The following NPAS3 variants were observed in gnomAD, a reference collection of about 807,000 sequenced individuals.
The protein encoded by NPAS3 is neuronal PAS domain-containing protein 3.
NPAS3 carries 14 observed loss-of-function variants against 73.1 expected under a neutral mutation model. The ratio of observed to expected loss-of-function variants is 0.19; its 90% CI spans 0.13 to 0.30. The LOEUF is 0.30. Among genes scored for constraint, NPAS3 ranks in the 10% least tolerant of loss-of-function variants. The pLI, the probability that NPAS3 is intolerant of heterozygous loss-of-function variation, is 1.00. For synonymous variants in NPAS3, 620 were observed against 541.5 expected, an observed-to-expected ratio of 1.14 and a Z score of -2.01; for missense variants, 1,096 against 1,250.0, an observed-to-expected ratio of 0.88 and a Z score of 1.86.
At chr14:33,481,327 C>T (rs772436055) in intron 4 of NPAS3, among the ~76,000 whole-genome samples, 7 of 152,136 alleles carry the variant, frequency 4.6e-5, no homozygotes, top group Non-Finnish European at 1.0e-4. Context: ...CAGTGCTGCT[C>T]ATGTGAAATC....
At chr14:33,606,936 A>G (rs1221621383) in intron 5 of NPAS3, among the ~76,000 whole-genome samples, 1 of 152,212 alleles carries the variant, frequency 6.6e-6, no homozygotes, top group Non-Finnish European at 1.5e-5. Flanking sequence ...CATTTCACCA[A>G]CAAAGATATA....
intron 7 of NPAS3, among the ~76,000 whole-genome samples, chr14:33,751,808 A>G (rs1452551326): frequency 6.6e-6 from 1 of 152,206 alleles, no homozygotes; most frequent in African/African-American, 2.4e-5. Flanking sequence ...TTGTCTGAGT[A>G]CCCAATCCCT....
chr14:32,980,471 G>A (rs1183610423), intron 1 of NPAS3, among the ~76,000 whole-genome samples: 6 of 152,148 alleles, frequency 3.9e-5, no homozygotes, highest in African/African-American at 7.2e-5. Flanking sequence ...CCTGTATGAT[G>A]TAATGATTGT....
At chr14:33,252,570 A>G (rs2048626353) in intron 3 of NPAS3, among the ~76,000 whole-genome samples, 1 of 151,906 alleles carries the variant, frequency 6.6e-6, no homozygotes, top group Admixed American at 6.6e-5. Context: ...AGTTTATTAG[A>G]GTTGTGCAAT....
chr14:32,938,485 T>TAGAGAGAGAGAGAGAGAGAAAG, upstream of NPAS3, among the ~76,000 whole-genome samples: 3 of 21,776 alleles, frequency 1.4e-4, no homozygotes, highest in Non-Finnish European at 2.6e-4. Flanking sequence ...GAGAGAGAAA[T>TAGAGAGAGAGAGAGAGAGAAAG]TGAGAGAGAG....
intron 2 of NPAS3, among the ~76,000 whole-genome samples, chr14:33,104,148 T>C (rs2042655614): frequency 6.6e-6 from 1 of 152,178 alleles, no homozygotes; most frequent in South Asian, 2.1e-4. Flanking sequence ...CATCTCCCTG[T>C]GTGCTGAGTT....
rs868221877 is a variant in NPAS3 at position 33,203,334 on chromosome 14, T to G, written c.141-11848T>G. Among the ~76,000 whole-genome samples the G allele has an allele frequency of 3.3e-5, 5 of 152,298 alleles. 1 individual carries two copies. The Middle Eastern group carries it at 0.014, about 414-fold the overall frequency. On this transcript the variant is annotated intron_variant, in intron 2 of 11. Coordinates refer to ENST00000356141, the Ensembl canonical transcript of NPAS3. ...TTTTTTATTTTATTTTATTTATGTA[T>G]TTTTGTTTTTTATTATAATTTAAGT...
intron 4 of NPAS3, among the ~76,000 whole-genome samples, chr14:33,515,840 T>G (rs780248739): frequency 5.3e-5 from 8 of 152,150 alleles, no homozygotes; most frequent in Non-Finnish European, 7.4e-5. Context: ...TTCCTCTTTC[T>G]GCTTTTAAAC....
intron 6 of NPAS3, among the ~76,000 whole-genome samples, chr14:33,715,669 G>T (rs10498319): frequency 0.034 from 5,203 of 152,224 alleles, 263 homozygotes; most frequent in African/African-American, 0.1. Context: ...CTGGGCCTCA[G>T]TAAATGTACT....
At chr14:33,249,215 T>C (rs148241067) in intron 3 of NPAS3, among the ~76,000 whole-genome samples, 1 of 152,196 alleles carries the variant, frequency 6.6e-6, no homozygotes, top group African/African-American at 2.4e-5. Context: ...TAAACACTAC[T>C]TATTCTTACT....
rs1028344901 is a variant in NPAS3, at chr14:33,397,515, C to G, written c.468+30247C>G. Among the ~76,000 whole-genome samples the G allele has an allele frequency of 3.6e-4, 55 of 152,022 alleles. 1 individual carries two copies. Among genetic ancestry groups the G allele is most frequent in the Non-Finnish European group, 2.9e-5 (2 of 67,990 alleles). ...TACTGTACAGTACTTCTTGGTGGCT[C>G]TATTACACCAATGCTTTATTCTAAT... is the stretch of plus-strand genomic sequence containing the variant. On this transcript the variant is annotated intron_variant, in intron 4 of 11. Transcript: ENST00000356141.
At chr14:33,631,551 C>T (rs1405334248) in intron 5 of NPAS3, among the ~76,000 whole-genome samples, 2 of 152,188 alleles carry the variant, frequency 1.3e-5, no homozygotes, top group Non-Finnish European at 2.9e-5. Flanking sequence ...GTGGCCTTTA[C>T]ACTGACAGTT....
chr14:33,780,746 C>A (rs529663640), intron 9 of NPAS3: 157 of 416,156 alleles, frequency 3.8e-4, no homozygotes, highest in Non-Finnish European at 5.9e-4. Context: ...ACTTTTATCT[C>A]ATTTTCCGTA....
chr14:33,298,282 C>T (rs2042388221), intron 3 of NPAS3, among the ~76,000 whole-genome samples: 1 of 152,180 alleles, frequency 6.6e-6, no homozygotes, highest in Non-Finnish European at 1.5e-5. Flanking sequence ...GCCTCCATCT[C>T]AAAAACAAAC....
At chr14:33,454,266 A>G (rs1264879970) in intron 4 of NPAS3, among the ~76,000 whole-genome samples, 1 of 152,254 alleles carries the variant, frequency 6.6e-6, no homozygotes, top group Non-Finnish European at 1.5e-5. Context: ...TTATCACAGA[A>G]GGAATGCATG....
chr14:33,589,227 C>T (rs1398129548), intron 5 of NPAS3, among the ~76,000 whole-genome samples: 1 of 152,008 alleles, frequency 6.6e-6, no homozygotes, highest in Non-Finnish European at 1.5e-5. Context: ...GACTTTTGTC[C>T]ATCTTCTATT....
intron 4 of NPAS3, among the ~76,000 whole-genome samples, chr14:33,469,839 A>T (rs944140345): frequency 2.6e-5 from 4 of 152,196 alleles, no homozygotes; most frequent in Non-Finnish European, 5.9e-5. Flanking sequence ...CATTAAAAAA[A>T]ATTACCTTTA....
At chr14:33,210,630 T>C (rs1328674341) in intron 2 of NPAS3, among the ~76,000 whole-genome samples, 8 of 152,162 alleles carry the variant, frequency 5.3e-5, no homozygotes, top group Admixed American at 5.2e-4. Flanking sequence ...ATCATTGCCA[T>C]TTAAAAACCT....
chr14:32,991,197 A>T (rs2038320287), intron 1 of NPAS3, among the ~76,000 whole-genome samples: 1 of 151,756 alleles, frequency 6.6e-6, no homozygotes, highest in Non-Finnish European at 1.5e-5. Context: ...GCTAGTCTCA[A>T]ACTCCTGCTT....
Sources: gnomAD v4.1 joint callset for allele counts (sites outside exome capture counted in the v4.1 genomes callset) on GRCh38, gnomAD v4.1.1 for gene constraint, MANE v1.5 for transcripts, NCBI Gene and HGNC (gene_info 2026-07-23, HGNC 2026-07-21) for gene names.